MICAL2: variants seen among roughly 807,000 people sequenced by gnomAD.
MICAL2 encodes the protein [F-actin]-monooxygenase MICAL2.
A neutral mutation model predicts 127.3 loss-of-function variants in MICAL2; 77 were observed. The ratio of observed to expected loss-of-function variants is 0.60; its 90% CI spans 0.50 to 0.73. MICAL2 has a LOEUF of 0.73. Among genes scored for constraint, MICAL2 ranks in the 30% least tolerant of loss-of-function variants. The probability of loss-of-function intolerance (pLI) is 0.00; values close to 1 mark genes in which losing one functional copy is unlikely to be tolerated. For synonymous variants in MICAL2, 570 were observed against 551.1 expected (o/e 1.03, Z -0.48); for missense variants, 1,351 against 1,434.4 (o/e 0.94, Z 0.94).
intron 3 of MICAL2, among the ~76,000 whole-genome samples, chr11:12,198,587 G>C (rs1047497039): frequency 6.6e-6 from 1 of 152,120 alleles, no homozygotes; most frequent in African/African-American, 2.4e-5. Context: ...TGAGAGCCAG[G>C]GAGGCTGCAG....
chr11:12,347,787 G>A (rs4427550), intron 32 of MICAL2, among the ~76,000 whole-genome samples: 5,064 of 152,080 alleles, frequency 0.033, 300 homozygotes, highest in African/African-American at 0.12. Context: ...TCACCTCTTG[G>A]TGTCTATGTG....
intron 3 of MICAL2, among the ~76,000 whole-genome samples, chr11:12,169,948 T>G (rs114620476): frequency 0.011 from 1,684 of 152,254 alleles, 21 homozygotes; most frequent in African/African-American, 0.039. Context: ...TTCCCGGGCT[T>G]TGCTGAGTGG....
intron 32 of MICAL2, among the ~76,000 whole-genome samples, chr11:12,349,121 T>G (rs930294896): frequency 6.6e-6 from 1 of 152,188 alleles, no homozygotes; most frequent in African/African-American, 2.4e-5. Flanking sequence ...CAGGGTGAAA[T>G]ATTCGAAAGC....
At chr11:12,149,351 G>T (rs16910646) in intron 2 of MICAL2, among the ~76,000 whole-genome samples, 2,759 of 152,308 alleles carry the variant, frequency 0.018, 84 homozygotes, top group African/African-American at 0.063. Flanking sequence ...CCTGCAGATT[G>T]TCAGGGAGCT....
In MICAL2 at chr11:12,212,444, T is replaced by G. The variant is rs552908473; in HGVS notation, c.692-811T>G. On this transcript the variant is annotated intron_variant, in intron 6 of 27. Transcript: ENST00000683283. ...TGAGCCATGATTGGCACCGCTGCTTTCCAGCCTGGGCAACAGAGCGAGACC... is the reference window on the plus strand; with the variant it reads ...TGAGCCATGATTGGCACCGCTGCTTGCCAGCCTGGGCAACAGAGCGAGACC... Among the ~76,000 whole-genome samples, 7 of 152,056 alleles carry G rather than the reference T, an allele frequency of 4.6e-5. No individual in the cohort carries two copies. In the South Asian group the frequency reaches 1.5e-3, roughly 32 times the overall value.
chr11:12,176,620 C>A (rs1235193457), intron 3 of MICAL2, among the ~76,000 whole-genome samples: 1 of 152,178 alleles, frequency 6.6e-6, no homozygotes, highest in Non-Finnish European at 1.5e-5. Context: ...TCTACCCATT[C>A]AACAATAGCT....
intron 15 of MICAL2, among the ~76,000 whole-genome samples, chr11:12,231,037 A>C (rs1015820427): frequency 6.6e-6 from 1 of 152,176 alleles, no homozygotes; most frequent in South Asian, 2.1e-4. Flanking sequence ...GGCTCTTGTC[A>C]TCATGCATGT....
intron 32 of MICAL2, among the ~76,000 whole-genome samples, chr11:12,339,721 C>CAT (rs1316508178): frequency 4.6e-5 from 7 of 152,194 alleles, no homozygotes; most frequent in African/African-American, 1.7e-4. Context: ...ACTCCAGACC[C>CAT]ATTTGCCTGG....
At chr11:12,271,588 G>T (rs547449074), upstream of MICAL2, among the ~76,000 whole-genome samples, 1 of 152,206 alleles carries the variant, frequency 6.6e-6, no homozygotes. Flanking sequence ...GGGCTGTTGG[G>T]ATGCTAGGGT....
intron 2 of MICAL2, among the ~76,000 whole-genome samples, chr11:12,139,218 C>A (rs1002865661): frequency 6.6e-6 from 1 of 152,224 alleles, no homozygotes; most frequent in African/African-American, 2.4e-5. Context: ...CTCCTCCCTC[C>A]TCCTCTGCCC....
intron 32 of MICAL2, among the ~76,000 whole-genome samples, chr11:12,346,768 C>T (rs1565311902): frequency 6.6e-6 from 1 of 152,344 alleles, no homozygotes; most frequent in East Asian, 1.9e-4. Context: ...CCAGTGTTTA[C>T]TCGCCCCTGT....
chr11:12,165,138 CAAAAAA>C (rs1207353830), intron 3 of MICAL2, among the ~76,000 whole-genome samples: 2 of 73,402 alleles, frequency 2.7e-5, no homozygotes, highest in African/African-American at 1.0e-4. Context: ...GACTCCATCT[CAAAAAA>C]AAAAAAAAAA....
At chr11:12,126,031 G>A (rs752026301) in intron 1 of MICAL2, among the ~76,000 whole-genome samples, 4 of 152,214 alleles carry the variant, frequency 2.6e-5, no homozygotes, top group Non-Finnish European at 4.4e-5. Flanking sequence ...GCTGGTCCCA[G>A]CCCACTTACC....
intron 3 of MICAL2, among the ~76,000 whole-genome samples, chr11:12,194,031 G>A (rs901149081): frequency 6.6e-6 from 1 of 152,218 alleles, no homozygotes; most frequent in Admixed American, 6.5e-5. Flanking sequence ...AGCAGGTCTG[G>A]CAATAATATG....
chr11:12,253,602 A>G (rs974386429), intron 22 of MICAL2: 2 of 152,210 alleles, frequency 1.3e-5, no homozygotes, highest in Admixed American at 6.5e-5. Flanking sequence ...CAAAATCTAT[A>G]AATGGAAAGG....
chr11:12,278,376 GT>G (rs1245683305), intron 1 of MICAL2, among the ~76,000 whole-genome samples: 2 of 152,074 alleles, frequency 1.3e-5, no homozygotes, highest in African/African-American at 2.4e-5. Context: ...AGCACTGTAG[GT>G]TTTAAACCAG....
chr11:12,238,618 A>G (rs888089500), intron 16 of MICAL2, among the ~76,000 whole-genome samples: 13 of 152,154 alleles, frequency 8.5e-5, no homozygotes, highest in Non-Finnish European at 1.6e-4. Flanking sequence ...GTAGGAAACC[A>G]AGGAGACAGG....
chr11:12,139,374 T>C (rs1369215899), intron 2 of MICAL2, among the ~76,000 whole-genome samples: 1 of 152,132 alleles, frequency 6.6e-6, no homozygotes, highest in Non-Finnish European at 1.5e-5. Context: ...TTCCTGGACA[T>C]GTGAGCCTTG....
intron 6 of MICAL2, among the ~76,000 whole-genome samples, chr11:12,210,044 C>T (rs1177939437): frequency 6.6e-6 from 1 of 152,162 alleles, no homozygotes; most frequent in African/African-American, 2.4e-5. Context: ...TATTCGCTTA[C>T]TTTCAAGTGT....
Sources: gnomAD v4.1 joint callset for allele counts (sites outside exome capture counted in the v4.1 genomes callset) on GRCh38, gnomAD v4.1.1 for gene constraint, MANE v1.5 for transcripts, NCBI Gene and HGNC (gene_info 2026-07-23, HGNC 2026-07-21) for gene names.